The following CDH13 variants were observed in gnomAD, a reference collection of about 807,000 sequenced individuals.
CDH13 encodes the protein cadherin-13.
A neutral mutation model predicts 63.8 loss-of-function variants in CDH13; 24 were observed. The observed-to-expected ratio is 0.38, with a 90% confidence interval of 0.27 to 0.53. CDH13 has a LOEUF of 0.53. Among genes scored for constraint, CDH13 ranks in the 20% least tolerant of loss-of-function variants. CDH13 has a pLI of 0.85. For synonymous variants in CDH13, 503 were observed against 355.3 expected, an observed-to-expected ratio of 1.42 and a Z score of -4.67; for missense variants, 1,049 against 903.1, an observed-to-expected ratio of 1.16 and a Z score of -2.07.
chr16:83,412,500 T>A (rs2092142509), intron 6 of CDH13, among the ~76,000 whole-genome samples: 1 of 152,098 alleles, frequency 6.6e-6, no homozygotes, highest in African/African-American at 2.4e-5. Flanking sequence ...AATAAATGTG[T>A]CTACAAACAG....
At chr16:83,739,406 C>T (rs1241350709) in intron 10 of CDH13, among the ~76,000 whole-genome samples, 2 of 152,194 alleles carry the variant, frequency 1.3e-5, no homozygotes, top group Non-Finnish European at 2.9e-5. Flanking sequence ...CTGGTTTCCC[C>T]AGGATGTTGC....
chr16:83,607,740 A>G (rs1240741884), intron 8 of CDH13, among the ~76,000 whole-genome samples: 2 of 152,220 alleles, frequency 1.3e-5, no homozygotes, highest in East Asian at 3.8e-4. Flanking sequence ...AAGTTTTCCT[A>G]ATAGCTTGTA....
intron 3 of CDH13, among the ~76,000 whole-genome samples, chr16:83,118,926 A>T (rs1375241435): frequency 1.3e-5 from 2 of 151,082 alleles, no homozygotes; most frequent in African/African-American, 4.9e-5. Context: ...CTTTCCTCTG[A>T]CCCCTTCTTC....
chr16:82,895,846 G>C (rs1252883874), intron 2 of CDH13, among the ~76,000 whole-genome samples: 1 of 152,146 alleles, frequency 6.6e-6, no homozygotes, highest in African/African-American at 2.4e-5. Flanking sequence ...GTATCAACTT[G>C]CAGTACGTCA....
intron 1 of CDH13, among the ~76,000 whole-genome samples, chr16:82,676,923 C>T (rs181469104): frequency 5.3e-5 from 8 of 151,476 alleles, no homozygotes; most frequent in African/African-American, 1.2e-4. Flanking sequence ...CTCACTCTGT[C>T]ACCAGGCTAG....
At chr16:83,310,416 A>G (rs768438763) in intron 5 of CDH13, among the ~76,000 whole-genome samples, 35 of 152,218 alleles carry the variant, frequency 2.3e-4, no homozygotes, top group Non-Finnish European at 4.6e-4. Flanking sequence ...GTGTGCACAT[A>G]CATACAAATA....
intron 6 of CDH13, among the ~76,000 whole-genome samples, chr16:83,368,883 GTTATATATATATATATATATATATAT>G (rs1471570545): frequency 2.4e-4 from 6 of 25,342 alleles, no homozygotes; most frequent in African/African-American, 6.1e-4. Context: ...AGTATTCCAT[GTTATATATATATATATATATATATAT>G]ATATATATAT....
At chr16:82,863,120 C>G (rs1288688608) in intron 2 of CDH13, among the ~76,000 whole-genome samples, 2 of 152,092 alleles carry the variant, frequency 1.3e-5, no homozygotes, top group Non-Finnish European at 2.9e-5. Flanking sequence ...TACAAAGATC[C>G]TAACAAAATG....
chr16:83,078,393 T>C (rs2033003965), intron 3 of CDH13, among the ~76,000 whole-genome samples: 1 of 152,154 alleles, frequency 6.6e-6, no homozygotes, highest in Non-Finnish European at 1.5e-5. Flanking sequence ...AATCAGGCGT[T>C]TGTTAGATTC....
At chr16:82,822,501 C>T (rs2038048983) in intron 1 of CDH13, among the ~76,000 whole-genome samples, 1 of 152,030 alleles carries the variant, frequency 6.6e-6, no homozygotes, top group Non-Finnish European at 1.5e-5. Flanking sequence ...TTCCAGTTAT[C>T]TTTTTTCTTT....
chr16:83,249,174 C>G (rs1189430761), intron 5 of CDH13, among the ~76,000 whole-genome samples: 3 of 152,192 alleles, frequency 2.0e-5, no homozygotes, highest in Non-Finnish European at 2.9e-5. Flanking sequence ...TAATATATGT[C>G]ACACAGAGCC....
chr16:82,691,357 G>A (rs1042757312), intron 1 of CDH13, among the ~76,000 whole-genome samples: 2 of 152,204 alleles, frequency 1.3e-5, no homozygotes, highest in African/African-American at 4.8e-5. Flanking sequence ...GCCTGAGCAT[G>A]TGGCAGGTGG....
At chr16:83,594,606 C>T (rs140464916) in intron 7 of CDH13, among the ~76,000 whole-genome samples, 7 of 152,126 alleles carry the variant, frequency 4.6e-5, no homozygotes, top group African/African-American at 7.2e-5. Flanking sequence ...GAAAGAAATT[C>T]GGTCTAGACA....
intron 7 of CDH13, among the ~76,000 whole-genome samples, chr16:83,545,430 T>A (rs1337074858): frequency 6.6e-6 from 1 of 152,238 alleles, no homozygotes; most frequent in African/African-American, 2.4e-5. Flanking sequence ...GAGGAGGATT[T>A]GCAGATTACA....
intron 1 of CDH13, among the ~76,000 whole-genome samples, chr16:82,799,997 G>C (rs1000837211): frequency 1.3e-5 from 2 of 152,170 alleles, no homozygotes; most frequent in Admixed American, 1.3e-4. Context: ...TTTCTAAGCA[G>C]ATGTTTACTA....
intron 1 of CDH13, among the ~76,000 whole-genome samples, chr16:82,778,693 T>G (rs908554304): frequency 4.0e-5 from 6 of 151,722 alleles, no homozygotes; most frequent in Non-Finnish European, 7.4e-5. Flanking sequence ...ATTTTCTTCC[T>G]AAAACTAGTA....
chr16:82,797,597 G>T (rs573402653), intron 1 of CDH13, among the ~76,000 whole-genome samples: 2 of 152,134 alleles, frequency 1.3e-5, no homozygotes, highest in South Asian at 4.2e-4. Flanking sequence ...AAAACAAAGA[G>T]ACTTCCTCCA....
chr16:82,804,121 A>T (rs1252417134), intron 1 of CDH13, among the ~76,000 whole-genome samples: 1 of 139,390 alleles, frequency 7.2e-6, no homozygotes, highest in Non-Finnish European at 1.5e-5. Flanking sequence ...CCAGCTACTC[A>T]GGAGGCTGAG....
intron 1 of CDH13, among the ~76,000 whole-genome samples, chr16:82,790,881 C>T (rs1365597828): frequency 6.6e-6 from 1 of 152,184 alleles, no homozygotes; most frequent in Admixed American, 6.5e-5. Flanking sequence ...CCTGGTCTCT[C>T]CCTTGACATA....
Sources: allele counts gnomAD v4.1 joint callset (sites outside exome capture counted in the v4.1 genomes callset), GRCh38; gene constraint gnomAD v4.1.1; transcripts MANE v1.5; gene names NCBI Gene and HGNC (gene_info 2026-07-23, HGNC 2026-07-21).